FRMD4A: variants seen among roughly 807,000 people sequenced by gnomAD.
The protein encoded by FRMD4A is FERM domain containing 4A.
FRMD4A carries 29 observed loss-of-function variants against 129.1 expected under a neutral mutation model. The ratio of observed to expected loss-of-function variants is 0.22; its 90% confidence interval spans 0.17 to 0.31. The LOEUF (loss-of-function observed/expected upper bound fraction) is 0.31, where lower values mean the gene tolerates loss of function less well. Ranked by LOEUF, FRMD4A falls within the 10% of genes least tolerant of loss-of-function variation. The pLI, the probability that FRMD4A is intolerant of heterozygous loss-of-function variation, is 1.00. For missense variants in FRMD4A, 1,272 were observed against 1,375.8 expected, an observed-to-expected ratio of 0.92 and a Z score of 1.19; for synonymous variants, 634 against 571.6, an observed-to-expected ratio of 1.11 and a Z score of -1.56.
intron 15 of FRMD4A, chr10:13,684,530 T>C: frequency 5.1e-6 from 5 of 985,146 alleles, no homozygotes; most frequent in Non-Finnish European, 6.0e-6. Context: ...ACAGCAGCTC[T>C]CCTCCCGGCC....
chr10:13,662,945 T>C (rs1314948598), intron 19 of FRMD4A, among the ~76,000 whole-genome samples: 4 of 152,138 alleles, frequency 2.6e-5, no homozygotes, highest in Non-Finnish European at 5.9e-5. Context: ...TGGTGGCTCC[T>C]GCCTGTAATC....
chr10:13,917,536 T>C (rs2095023550), intron 2 of FRMD4A, among the ~76,000 whole-genome samples: 1 of 152,140 alleles, frequency 6.6e-6, no homozygotes, highest in African/African-American at 2.4e-5. Flanking sequence ...GCAATCCACC[T>C]GCCTTGGCCT....
At chr10:14,098,393 CT>C (rs1301692019) in intron 2 of FRMD4A, among the ~76,000 whole-genome samples, 9 of 150,892 alleles carry the variant, frequency 6.0e-5, no homozygotes, top group Non-Finnish European at 1.2e-4. Flanking sequence ...ATGGTTCTCT[CT>C]TTTTTTCTTT....
intron 2 of FRMD4A, among the ~76,000 whole-genome samples, chr10:14,098,031 G>T (rs789754): frequency 0.16 from 13,076 of 84,270 alleles, 1,154 homozygotes; most frequent in African/African-American, 0.29. Flanking sequence ...ATAAATTATA[G>T]ATTATATATA....
At chr10:14,043,894 A>T (rs1833882267) in intron 2 of FRMD4A, among the ~76,000 whole-genome samples, 1 of 152,074 alleles carries the variant, frequency 6.6e-6, no homozygotes, top group Non-Finnish European at 1.5e-5. Flanking sequence ...TGGTGCAATC[A>T]CAGCTCACTA....
At chr10:14,028,876 T>C (rs1180018492) in intron 2 of FRMD4A, among the ~76,000 whole-genome samples, 1 of 152,212 alleles carries the variant, frequency 6.6e-6, no homozygotes, top group Non-Finnish European at 1.5e-5. Flanking sequence ...AGCCAAGGTC[T>C]CAATGCTGAC....
intron 3 of FRMD4A, among the ~76,000 whole-genome samples, chr10:13,851,970 G>C (rs2131013411): frequency 6.6e-6 from 1 of 151,578 alleles, no homozygotes; most frequent in Non-Finnish European, 1.5e-5. Flanking sequence ...TCTAGTTGCA[G>C]GAAAACAAGC....
At chr10:13,883,964 A>G (rs1267455680) in intron 2 of FRMD4A, among the ~76,000 whole-genome samples, 2 of 152,120 alleles carry the variant, frequency 1.3e-5, no homozygotes, top group African/African-American at 4.8e-5. Flanking sequence ...TTCTGACTTT[A>G]TTTAACATTT....
intron 2 of FRMD4A, among the ~76,000 whole-genome samples, chr10:14,183,042 T>A (rs556933361): frequency 6.6e-6 from 1 of 152,202 alleles, no homozygotes; most frequent in South Asian, 2.1e-4. Context: ...GAGGGAGGAC[T>A]TCAGACAGAG....
At chr10:14,235,059 G>A (rs901450299) in intron 2 of FRMD4A, among the ~76,000 whole-genome samples, 3 of 152,054 alleles carry the variant, frequency 2.0e-5, no homozygotes, top group African/African-American at 4.8e-5. Context: ...TTCAAGTCTC[G>A]TAATTAGTTC....
intron 4 of FRMD4A, among the ~76,000 whole-genome samples, chr10:13,805,577 TTGAC>T (rs1279175110): frequency 6.6e-6 from 1 of 152,206 alleles, no homozygotes; most frequent in Admixed American, 6.5e-5. Context: ...TTGGGTGTGT[TTGAC>T]TGTTTCTGCT....
At chr10:13,762,938 G>T (rs183378217) in intron 6 of FRMD4A, among the ~76,000 whole-genome samples, 36 of 152,044 alleles carry the variant, frequency 2.4e-4, no homozygotes, top group African/African-American at 7.0e-4. Flanking sequence ...TAGTACCACC[G>T]CACTCCAGCC....
chr10:14,068,646 T>C (rs1835172235), intron 2 of FRMD4A, among the ~76,000 whole-genome samples: 1 of 152,222 alleles, frequency 6.6e-6, no homozygotes, highest in South Asian at 2.1e-4. Context: ...AAACAAACTT[T>C]ACATTTGACA....
At chr10:13,700,743 T>A (rs2086734157) in intron 14 of FRMD4A, among the ~76,000 whole-genome samples, 1 of 145,248 alleles carries the variant, frequency 6.9e-6, no homozygotes, top group South Asian at 2.3e-4. Flanking sequence ...GAGTCAGGGG[T>A]GGTGACATCT....
At chr10:14,205,690 C>A (rs1447003499) in intron 2 of FRMD4A, among the ~76,000 whole-genome samples, 1 of 151,652 alleles carries the variant, frequency 6.6e-6, no homozygotes, top group African/African-American at 2.4e-5. Flanking sequence ...ACCTGTAGTC[C>A]CAGCTACTCA....
intron 2 of FRMD4A, among the ~76,000 whole-genome samples, chr10:14,289,262 G>C (rs759205951): frequency 4.6e-5 from 7 of 151,810 alleles, no homozygotes; most frequent in Non-Finnish European, 1.0e-4. Flanking sequence ...CAATTTATTC[G>C]TATCTCACCA....
At chr10:13,990,003 C>A (rs1005703077) in intron 2 of FRMD4A, among the ~76,000 whole-genome samples, 1 of 152,148 alleles carries the variant, frequency 6.6e-6, no homozygotes, top group East Asian at 1.9e-4. Context: ...CTAGGTTAGA[C>A]CCCCATTTAG....
At chr10:14,146,759 A>T (rs1445661636) in intron 2 of FRMD4A, among the ~76,000 whole-genome samples, 1 of 152,168 alleles carries the variant, frequency 6.6e-6, no homozygotes, top group Non-Finnish European at 1.5e-5. Flanking sequence ...AGCTTGGGGG[A>T]CAGGGACAAC....
chr10:14,154,896 G>A (rs896152733), intron 2 of FRMD4A, among the ~76,000 whole-genome samples: 1 of 152,122 alleles, frequency 6.6e-6, no homozygotes, highest in African/African-American at 2.4e-5. Flanking sequence ...TTTCTTTGTT[G>A]GTCTGAAAGA....
Sources: gnomAD v4.1 joint callset for allele counts (sites outside exome capture counted in the v4.1 genomes callset) on GRCh38, gnomAD v4.1.1 for gene constraint, MANE v1.5 for transcripts, NCBI Gene and HGNC (gene_info 2026-07-23, HGNC 2026-07-21) for gene names.